Variants in ZNF331 observed in about 807,000 individuals in gnomAD.
ZNF331 encodes C2H2-like zinc finger protein rearranged in thyroid adenomas.
ZNF331 carries 2 observed loss-of-function variants against 7.0 expected under a neutral mutation model. The observed-to-expected ratio is 0.29, with a 90% CI of 0.12 to 0.90. The LOEUF (loss-of-function observed/expected upper bound fraction) is 0.90, where lower values mean the gene tolerates loss of function less well. Among genes scored for constraint, ZNF331 ranks in the 40% least tolerant of loss-of-function variants. The pLI, the probability that ZNF331 is intolerant of heterozygous loss-of-function variation, is 0.58. For synonymous variants in ZNF331, 196 were observed against 205.4 expected, an observed-to-expected ratio of 0.95 and a Z score of 0.39; for missense variants, 432 against 587.7, an observed-to-expected ratio of 0.74 and a Z score of 2.74.
chr19:53,534,395 C>A (rs1387491680), upstream of ZNF331, among the ~76,000 whole-genome samples: 1 of 152,136 alleles, frequency 6.6e-6, no homozygotes, highest in Non-Finnish European at 1.5e-5. Flanking sequence ...TCAAGCGATT[C>A]TTCTGCCTCA....
chr19:53,557,808 A>G (rs2089531729), intron 3 of ZNF331, among the ~76,000 whole-genome samples: 1 of 152,190 alleles, frequency 6.6e-6, no homozygotes, highest in Non-Finnish European at 1.5e-5. Flanking sequence ...TACTAAAAAT[A>G]CAAAAATTAG....
chr19:53,514,774 C>CT (rs1186058577), upstream of ZNF331, among the ~76,000 whole-genome samples: 1 of 151,526 alleles, frequency 6.6e-6, no homozygotes, highest in Non-Finnish European at 1.5e-5. Context: ...CCTCAGCCTC[C>CT]CGAGTAGCTG....
rs1028807912 is a variant in ZNF331, at chr19:53,558,461, A to T, written c.-74+2553A>T. 6.6e-6 allele frequency among the ~76,000 whole-genome samples: 1 copy of T among 152,012 alleles called. No individual in the cohort carries two copies. The highest frequency in any genetic ancestry group is 1.5e-5 in the Non-Finnish European group (1 of 68,000). On this transcript the variant is annotated intron_variant, in intron 3 of 5. Coordinates refer to ENST00000449416, the MANE Select transcript of ZNF331 (RefSeq NM_001079906.2). This position sits in a 1 kb window ranked among gnomAD's most constrained non-coding sequence, Gnocchi z 4.5. Reference sequence around the variant, plus strand: ...TTCTTAGGCCTTTTATGGAGACTTCATTGGATAGGTGTGACTGAAGCATGC... The same window carrying T: ...TTCTTAGGCCTTTTATGGAGACTTCTTTGGATAGGTGTGACTGAAGCATGC...
chr19:53,548,641 T>G (rs1446891470), intron 2 of ZNF331, among the ~76,000 whole-genome samples: 1 of 152,184 alleles, frequency 6.6e-6, no homozygotes, highest in African/African-American at 2.4e-5. Context: ...TTTTGTTTCC[T>G]TTGCTGTGTG....
At chr19:53,569,542 G>A (rs1266114446) in intron 4 of ZNF331, among the ~76,000 whole-genome samples, 157 bp downstream of exon 4, 1 of 152,068 alleles carries the variant, frequency 6.6e-6, no homozygotes, top group African/African-American at 2.4e-5. Context: ...ACGTAGCTCC[G>A]TGTCTGCCTT....
chr19:53,536,861 C>T (rs2087774746), upstream of ZNF331, among the ~76,000 whole-genome samples: 1 of 152,196 alleles, frequency 6.6e-6, no homozygotes, highest in South Asian at 2.1e-4. Flanking sequence ...CGAGATCGCA[C>T]CATTGCACTT....
chr19:53,541,758 G>C (rs1297338452), intron 2 of ZNF331, among the ~76,000 whole-genome samples: 4 of 152,182 alleles, frequency 2.6e-5, no homozygotes, highest in Admixed American at 2.6e-4. Context: ...TAAATGGCCA[G>C]CACTTTGGGA....
At chr19:53,552,870 T>C (rs537029022) in intron 2 of ZNF331, among the ~76,000 whole-genome samples, 2 of 152,350 alleles carry the variant, frequency 1.3e-5, no homozygotes, top group South Asian at 4.1e-4. Context: ...TTCTGATATT[T>C]AATAGCTGAG....
At chr19:53,516,871 T>C (rs1304394512), upstream of ZNF331, among the ~76,000 whole-genome samples, 1 of 152,206 alleles carries the variant, frequency 6.6e-6, no homozygotes, top group African/African-American at 2.4e-5. Context: ...CTTACACACT[T>C]CTCCATAAAA....
chr19:53,503,346 A>T, the ZNF331 span: 1 of 407,430 alleles, frequency 2.5e-6, no homozygotes, highest in South Asian at 2.1e-5. Context: ...TCCCTGCAGG[A>T]TCCTGTGTCT....
chr19:53,514,786 G>C (rs888221718), upstream of ZNF331, among the ~76,000 whole-genome samples: 3 of 151,574 alleles, frequency 2.0e-5, no homozygotes, highest in African/African-American at 7.3e-5. Flanking sequence ...GAGTAGCTGG[G>C]ACTACAGAAG....
chr19:53,523,235 T>C (rs2087157703), intron 2 of ZNF331: 2 of 151,306 alleles, frequency 1.3e-5, no homozygotes, highest in Non-Finnish European at 3.0e-5. Context: ...TTTTTTTTAT[T>C]TTTTTTTTCT....
chr19:53,506,101 C>G, the ZNF331 span, among the ~76,000 whole-genome samples: 1 of 151,592 alleles, frequency 6.6e-6, no homozygotes, highest in South Asian at 2.1e-4. Flanking sequence ...TTTGGGAGGC[C>G]GAGGCGGGTG....
chr19:53,506,411 CCTCTCTCT>C, the ZNF331 span, among the ~76,000 whole-genome samples: 307 of 74,380 alleles, frequency 4.1e-3, 9 homozygotes, highest in African/African-American at 0.013. Context: ...CTCTCTCTCT[CCTCTCTCT>C]CTCTCTCTCT....
chr19:53,507,230 G>A, the ZNF331 span, among the ~76,000 whole-genome samples: 6 of 152,098 alleles, frequency 3.9e-5, no homozygotes, highest in Non-Finnish European at 8.8e-5. Flanking sequence ...GGTCCTAGTT[G>A]CCCTGACGCA....
intron 2 of ZNF331, among the ~76,000 whole-genome samples, chr19:53,551,674 A>C (rs1033987426): frequency 6.6e-6 from 1 of 152,200 alleles, no homozygotes; most frequent in African/African-American, 2.4e-5. Flanking sequence ...GGAGGTTTGC[A>C]TCCTATTTTA....
At chr19:53,514,651 CCTT>C (rs1421537190), upstream of ZNF331, among the ~76,000 whole-genome samples, 5 of 112,964 alleles carry the variant, frequency 4.4e-5, no homozygotes, top group Non-Finnish European at 7.1e-5. Context: ...GAAGCCTTCT[CCTT>C]TTTTTTTTTT....
intron 2 of ZNF331, among the ~76,000 whole-genome samples, chr19:53,546,728 A>G (rs1003821373): frequency 2.0e-5 from 3 of 152,194 alleles, no homozygotes; most frequent in African/African-American, 7.2e-5. Context: ...GTACCTGGCA[A>G]AGTTGTCAGT....
rs2087992560 is a variant in ZNF331, at chr19:53,539,606, A to G, written c.-138+324A>G. On this transcript the variant is annotated intron_variant, in intron 2 of 5. Coordinates refer to ENST00000449416, the MANE Select transcript of ZNF331 (RefSeq NM_001079906.2). This position sits in a 1 kb window ranked among gnomAD's most constrained non-coding sequence, Gnocchi z 6.1. Reference sequence around the variant, plus strand: ...GAACCACAGCCTCAAATGGCCTAGAACTGTTATCCTTAACCTGAGGGCCTG... The same window carrying G: ...GAACCACAGCCTCAAATGGCCTAGAGCTGTTATCCTTAACCTGAGGGCCTG... 1 of 152,150 alleles carries G rather than the reference A, an allele frequency of 6.6e-6. No homozygotes were observed. The highest frequency in any genetic ancestry group is 2.4e-5 in the African/African-American group (1 of 41,422). 9.4% of individuals were successfully genotyped at this position (152,150 alleles called of 1,614,324 possible).
Sources: gnomAD v4.1 joint callset for allele counts (sites outside exome capture counted in the v4.1 genomes callset) on GRCh38, gnomAD v4.1.1 for gene constraint, Gnocchi (gnomAD v3.1) non-coding constraint, MANE v1.5 for transcripts, NCBI Gene and HGNC (gene_info 2026-07-23, HGNC 2026-07-21) for gene names.